The following CHST13 variants were observed in gnomAD, a reference collection of about 807,000 sequenced individuals.
CHST13 encodes the protein C4ST-3.
Under a neutral mutation model 7.0 loss-of-function variants are expected in CHST13, and 1 was observed. The observed-to-expected ratio is 0.14, with a 90% CI of 0.05 to 0.68. CHST13 has a LOEUF of 0.68. Among genes scored for constraint, CHST13 ranks in the 30% least tolerant of loss-of-function variants. The pLI is 0.82. For synonymous variants in CHST13, 257 were observed against 240.9 expected, an observed-to-expected ratio of 1.07 and a Z score of -0.62; for missense variants, 572 against 507.9, an observed-to-expected ratio of 1.13 and a Z score of -1.21.
intron 1 of CHST13, among the ~76,000 whole-genome samples, chr3:126,525,898 T>A (rs944799668): frequency 6.6e-6 from 1 of 152,164 alleles, no homozygotes; most frequent in Non-Finnish European, 1.5e-5. Context: ...CCTTCTGGGC[T>A]TTGTTCCTTC....
intron 1 of CHST13, among the ~76,000 whole-genome samples, chr3:126,531,240 G>A (rs1346164935): frequency 6.6e-6 from 1 of 152,234 alleles, no homozygotes; most frequent in Non-Finnish European, 1.5e-5. Flanking sequence ...CTAGAGGTGG[G>A]GCCCGGGATT....
intron 1 of CHST13, among the ~76,000 whole-genome samples, chr3:126,535,122 T>TCGCTTTCCTCGGCCG (rs1936749129): frequency 2.5e-4 from 1 of 4,034 alleles, no homozygotes; most frequent in South Asian, 9.1e-3. Context: ...TGTCCTCAGC[T>TCGCTTTCCTCGGCCG]GGAGACAGAC....
chr3:126,525,712 G>A (rs1156228970), intron 1 of CHST13, among the ~76,000 whole-genome samples: 2 of 152,118 alleles, frequency 1.3e-5, no homozygotes, highest in South Asian at 2.1e-4. Flanking sequence ...AGGGCTCAGC[G>A]TGGGATGTTA....
At chr3:126,537,369 T>A (rs988542345) in intron 2 of CHST13, among the ~76,000 whole-genome samples, 2 of 152,010 alleles carry the variant, frequency 1.3e-5, no homozygotes, top group Non-Finnish European at 2.9e-5. Context: ...TGTGCAAGGG[T>A]AGCGGGGAGC....
chr3:126,536,515 A>T (rs1936793992), intron 2 of CHST13, among the ~76,000 whole-genome samples, 162 bp downstream of exon 2: 1 of 152,164 alleles, frequency 6.6e-6, no homozygotes, highest in Non-Finnish European at 1.5e-5. Context: ...GACAAGGGCA[A>T]ATCTTGGGGG....
chr3:126,538,252 G>A (rs996238932), intron 2 of CHST13, among the ~76,000 whole-genome samples: 4 of 152,218 alleles, frequency 2.6e-5, no homozygotes, highest in Non-Finnish European at 4.4e-5. Flanking sequence ...GCCCACCATC[G>A]TCCTCCGGAT....
At position 126,542,254 on chromosome 3, in the gene CHST13, C is replaced by T. The variant is rs1488023416; in HGVS notation, c.702C>T (p.Asp234=). 6.5e-7 allele frequency: 1 copy of T among 1,544,546 alleles called. No homozygotes were observed. The highest frequency in any genetic ancestry group is 1.9e-5 in the Admixed American group (1 of 54,044). Residue 234 remains aspartate, a synonymous_variant, in exon 3 of 3, where the codon GAC becomes GAT. Transcript: ENST00000319340. The stretch of plus-strand genomic sequence containing the variant: ...CGGAGTTCCTGGCCTACCTGCTGGA[C>T]CCGCGCACGCGGCGTGAGGAGCCCT... ...RFAEFLAYLL[D]PRTRREEPFN...
intron 1 of CHST13, among the ~76,000 whole-genome samples, chr3:126,535,035 C>A (rs1936742291): frequency 6.7e-6 from 1 of 149,340 alleles, no homozygotes; most frequent in Non-Finnish European, 1.5e-5. Flanking sequence ...AGGAGACACA[C>A]AGCATCGCTG....
At chr3:126,527,390 C>T (rs1041894270) in intron 1 of CHST13, 1 of 152,288 alleles carries the variant, frequency 6.6e-6, no homozygotes, top group Admixed American at 6.5e-5. Flanking sequence ...GGGTTCAGAT[C>T]ACACCTCCAG....
intron 1 of CHST13, among the ~76,000 whole-genome samples, chr3:126,531,641 T>A (rs1046551461): frequency 1.3e-5 from 2 of 152,266 alleles, no homozygotes; most frequent in African/African-American, 4.8e-5. Context: ...CATGAGCCAA[T>A]TCTTCATTCC....
chr3:126,533,613 T>C (rs1299291226), intron 1 of CHST13, among the ~76,000 whole-genome samples: 1 of 152,172 alleles, frequency 6.6e-6, no homozygotes, highest in Non-Finnish European at 1.5e-5. Context: ...TAGGATGTTA[T>C]TTTTGGTTTG....
intron 1 of CHST13, among the ~76,000 whole-genome samples, chr3:126,526,286 T>C (rs1936535105): frequency 1.3e-5 from 2 of 152,232 alleles, no homozygotes; most frequent in Admixed American, 6.5e-5. Context: ...AAAGGCCTTT[T>C]CCTGCCAGGC....
At chr3:126,534,422 C>T (rs2107566008) in intron 1 of CHST13, among the ~76,000 whole-genome samples, 1 of 152,250 alleles carries the variant, frequency 6.6e-6, no homozygotes, top group South Asian at 2.1e-4. Flanking sequence ...GCATCCCTGT[C>T]CTCATCTGGG....
intron 1 of CHST13, among the ~76,000 whole-genome samples, chr3:126,524,993 T>C (rs1936508918): frequency 6.6e-6 from 1 of 152,150 alleles, no homozygotes; most frequent in Non-Finnish European, 1.5e-5. Context: ...CAGAGCTGAG[T>C]GCCCTGGGCT....
chr3:126,528,408 A>G (rs1038875599), intron 1 of CHST13, among the ~76,000 whole-genome samples: 9 of 152,164 alleles, frequency 5.9e-5, no homozygotes, highest in Non-Finnish European at 1.2e-4. Flanking sequence ...TTCAGCAATA[A>G]AGAGTGCCGT....
rs868626362 is a variant in CHST13, at chr3:126,529,144, G to A, written c.97+4715G>A. 64 of 375,158 alleles carry A rather than the reference G, an allele frequency of 1.7e-4. 1 individual carries two copies. The highest frequency in any genetic ancestry group is 5.2e-4 in the Admixed American group (17 of 32,850). 23.2% of individuals were successfully genotyped at this position (375,158 alleles called of 1,614,324 possible). ...GCTGTGCCCTCACCCTGCACAGGGC[G>A]CGAGCCCTGCTTTGGCTGAGGTGGG... On this transcript the variant is annotated intron_variant, in intron 1 of 2. Transcript: ENST00000319340.
In CHST13 at chr3:126,542,801, T is replaced by A; in HGVS notation, c.*223T>A. 4.0e-6 allele frequency: 2 copies of A among 500,958 alleles called. No homozygotes were observed. The highest frequency in any genetic ancestry group is 6.4e-6 in the Non-Finnish European group (2 of 313,300). 31.0% of individuals were successfully genotyped at this position (500,958 alleles called of 1,614,324 possible). On this transcript the variant is annotated 3_prime_UTR_variant, in exon 3 of 3. Coordinates refer to ENST00000319340, the MANE Select transcript of CHST13 (RefSeq NM_152889.3). ...CTGCCTCGGCCTGTCGCCTGAGGCC[T>A]GCTTCCTCCACTTGCTCCAGCTGAC...
intron 1 of CHST13, chr3:126,529,067 A>G (rs1430010185): frequency 2.8e-6 from 1 of 358,200 alleles, no homozygotes; most frequent in Non-Finnish European, 5.5e-6. Flanking sequence ...GAGTGTCATC[A>G]TCTCTGCTTG....
At chr3:126,529,681 C>T (rs941227104) in intron 1 of CHST13, among the ~76,000 whole-genome samples, 2 of 152,172 alleles carry the variant, frequency 1.3e-5, no homozygotes, top group Admixed American at 1.3e-4. Context: ...TTCTCTTTCT[C>T]CCAGCCTCGG....
Sources: allele counts gnomAD v4.1 joint callset (sites outside exome capture counted in the v4.1 genomes callset), GRCh38; gene constraint gnomAD v4.1.1; transcripts MANE v1.5; gene names NCBI Gene and HGNC (gene_info 2026-07-23, HGNC 2026-07-21).